Variants in WWOX observed in about 807,000 individuals in gnomAD.
WWOX encodes WW domain-containing oxidoreductase.
A neutral mutation model predicts 46.2 loss-of-function variants in WWOX; 69 were observed. The observed-to-expected ratio is 1.49, with a 90% CI of 1.23 to 1.82. The LOEUF (loss-of-function observed/expected upper bound fraction) is 1.82, where lower values mean the gene tolerates loss of function less well. Ranked by LOEUF, WWOX falls within the 40% of genes most tolerant of loss-of-function variation. WWOX has a pLI of 0.00. For missense variants in WWOX, 919 were observed against 542.6 expected (o/e 1.69, Z -6.89); for synonymous variants, 359 against 202.6 (o/e 1.77, Z -6.56).
At chr16:78,303,705 C>T (rs898125056) in intron 5 of WWOX, among the ~76,000 whole-genome samples, 1 of 152,116 alleles carries the variant, frequency 6.6e-6, no homozygotes, top group Non-Finnish European at 1.5e-5. Context: ...CCACCATGCC[C>T]AGCTAATTGT....
rs190281336 is a variant in WWOX at position 78,470,620 on chromosome 16, C to T, written c.1056+37868C>T. Among the ~76,000 whole-genome samples the T allele has an allele frequency of 3.9e-5, 6 of 152,324 alleles. No individual in the cohort carries two copies. The East Asian group carries it at 1.2e-3, about 29-fold the overall frequency. On this transcript the variant is annotated intron_variant, in intron 8 of 8. Coordinates refer to ENST00000566780, the MANE Select transcript of WWOX (RefSeq NM_016373.4). ...TCTTGACTTACTGAAACCTCCTCCT[C>T]CTGGATTCAAGCCATTCTCCTGCCT...
At chr16:78,893,917 T>C (rs2044644678) in intron 8 of WWOX, among the ~76,000 whole-genome samples, 1 of 152,114 alleles carries the variant, frequency 6.6e-6, no homozygotes, top group South Asian at 2.1e-4. Flanking sequence ...ATGCAATATT[T>C]TCCTTGACAG....
chr16:78,518,076 A>G (rs2043276361), intron 8 of WWOX, among the ~76,000 whole-genome samples: 1 of 151,988 alleles, frequency 6.6e-6, no homozygotes, highest in Non-Finnish European at 1.5e-5. Flanking sequence ...CAGTTTCCCC[A>G]TCTGTTGGAT....
At chr16:78,746,238 C>A (rs1239015382) in intron 8 of WWOX, among the ~76,000 whole-genome samples, 1 of 152,200 alleles carries the variant, frequency 6.6e-6, no homozygotes. Context: ...TGGCTCACAC[C>A]TGTAATTCTA....
rs576013120 is a variant in WWOX, at chr16:78,221,875, T to C, written c.516+57586T>C. On this transcript the variant is annotated intron_variant, in intron 5 of 8. Coordinates refer to ENST00000566780, the MANE Select transcript of WWOX (RefSeq NM_016373.4). ...CAAAACCTTATTTCCAAAGCAGACT[T>C]TGTTTGTTTGGTTTGGGTAATTCAT... is the stretch of plus-strand genomic sequence containing the variant. Among the ~76,000 whole-genome samples the C allele has an allele frequency of 9.5e-4, 144 of 152,276 alleles. 2 individuals carry two copies. The South Asian group carries it at 0.029, about 31-fold the overall frequency.
intron 4 of WWOX, among the ~76,000 whole-genome samples, chr16:78,150,295 C>A (rs569889473): frequency 1.3e-5 from 2 of 152,316 alleles, no homozygotes; most frequent in Non-Finnish European, 2.9e-5. Flanking sequence ...AGCTTCCATA[C>A]CCCCTCCCGG....
intron 8 of WWOX, among the ~76,000 whole-genome samples, chr16:78,735,263 T>G (rs1234061945): frequency 6.6e-6 from 1 of 152,050 alleles, no homozygotes; most frequent in African/African-American, 2.4e-5. Flanking sequence ...ACACATCAGT[T>G]CTCCTGGCTC....
intron 8 of WWOX, among the ~76,000 whole-genome samples, chr16:78,609,548 T>C (rs1418866530): frequency 1.3e-5 from 2 of 151,882 alleles, no homozygotes; most frequent in African/African-American, 2.4e-5. Flanking sequence ...CTTTTCTTTT[T>C]TTTTCTTTTT....
intron 8 of WWOX, among the ~76,000 whole-genome samples, chr16:78,628,846 G>A (rs2046367519): frequency 6.6e-6 from 1 of 152,112 alleles, no homozygotes; most frequent in Non-Finnish European, 1.5e-5. Context: ...GTTTCGTGAG[G>A]GATTAAGAGG....
chr16:78,234,743 C>A (rs1405058753), intron 5 of WWOX, among the ~76,000 whole-genome samples: 1 of 151,732 alleles, frequency 6.6e-6, no homozygotes, highest in African/African-American at 2.4e-5. Flanking sequence ...AACCACAAGT[C>A]TCTATTTTTA....
At chr16:78,838,360 G>A (rs1032953718) in intron 8 of WWOX, among the ~76,000 whole-genome samples, 6 of 152,136 alleles carry the variant, frequency 3.9e-5, no homozygotes, top group Non-Finnish European at 8.8e-5. Context: ...AGGCGCTCCT[G>A]CATGTTGATT....
At chr16:78,649,832 G>C (rs1187181373) in intron 8 of WWOX, among the ~76,000 whole-genome samples, 2 of 152,056 alleles carry the variant, frequency 1.3e-5, no homozygotes, top group African/African-American at 4.8e-5. Flanking sequence ...CTGATTGATG[G>C]GCATACAGAG....
chr16:79,209,020 C>T (rs965887323), intron 8 of WWOX, among the ~76,000 whole-genome samples: 4 of 152,196 alleles, frequency 2.6e-5, no homozygotes, highest in African/African-American at 9.6e-5. Flanking sequence ...GTCGTCTTTG[C>T]TTTCGGGTGC....
chr16:79,087,422 T>C (rs896324786), intron 8 of WWOX, among the ~76,000 whole-genome samples: 4 of 152,138 alleles, frequency 2.6e-5, no homozygotes, highest in Non-Finnish European at 4.4e-5. Context: ...GAGAGTCACA[T>C]TGGGTGGTTT....
intron 8 of WWOX, among the ~76,000 whole-genome samples, chr16:78,902,004 A>G (rs2044843120): frequency 6.6e-6 from 1 of 152,232 alleles, no homozygotes; most frequent in African/African-American, 2.4e-5. Flanking sequence ...AGGAAATGGA[A>G]GAAGGGGATG....
At chr16:79,089,755 C>G (rs543088829) in intron 8 of WWOX, among the ~76,000 whole-genome samples, 93 of 152,294 alleles carry the variant, frequency 6.1e-4, no homozygotes, top group African/African-American at 2.2e-3. Context: ...TTGCCCAGAC[C>G]TTGCAAAACT....
chr16:78,111,849 C>T (rs1468287130), intron 3 of WWOX: 2 of 173,092 alleles, frequency 1.2e-5, no homozygotes, highest in African/African-American at 2.4e-5. Context: ...ACGTATGCTG[C>T]CTTCTCTCTC....
rs905337394 is a variant in WWOX, at chr16:78,872,029, G to C, written c.1057-339579G>C. Among the ~76,000 whole-genome samples, 5 of 152,324 alleles carry C rather than the reference G, an allele frequency of 3.3e-5. No individual in the cohort carries two copies. The East Asian group carries it at 7.7e-4, about 24-fold the overall frequency. On this transcript the variant is annotated intron_variant, in intron 8 of 8. Coordinates refer to ENST00000566780, the MANE Select transcript of WWOX (RefSeq NM_016373.4). The stretch of plus-strand genomic sequence containing the variant: ...AGGGCCAACTGGAGAGAAATCTCTA[G>C]TCTAGGGCACAAAATTTCTGTCAAC...
At chr16:79,031,767 T>A (rs924891001) in intron 8 of WWOX, among the ~76,000 whole-genome samples, 81 of 144,728 alleles carry the variant, frequency 5.6e-4, no homozygotes, top group African/African-American at 1.9e-3. Flanking sequence ...TATATATATA[T>A]AATATATAGA....
Sources: gnomAD v4.1 joint callset for allele counts (sites outside exome capture counted in the v4.1 genomes callset) on GRCh38, gnomAD v4.1.1 for gene constraint, MANE v1.5 for transcripts, NCBI Gene and HGNC (gene_info 2026-07-23, HGNC 2026-07-21) for gene names.